FBXO34: variants seen among roughly 807,000 people sequenced by gnomAD.
FBXO34 encodes the protein F-box protein 34.
A neutral mutation model predicts 24.5 loss-of-function variants in FBXO34; 12 were observed. The observed-to-expected ratio is 0.49, with a 90% confidence interval of 0.31 to 0.79. The LOEUF is 0.79. FBXO34 is among the 30% of genes least tolerant of loss of function. FBXO34 has a pLI of 0.04. For synonymous variants in FBXO34, 320 were observed against 311.9 expected (o/e 1.03, Z -0.27); for missense variants, 823 against 857.7 (o/e 0.96, Z 0.51).
chr14:55,358,623 CCT>C (rs139548910), intron 3 of FBXO34, among the ~76,000 whole-genome samples: 45,762 of 151,972 alleles, frequency 0.3, 7,169 homozygotes, highest in Non-Finnish European at 0.33. Flanking sequence ...CCTTCAAACT[CCT>C]TGCCCATGAA....
At chr14:55,273,068 G>T (rs1167532157) in intron 1 of FBXO34, among the ~76,000 whole-genome samples, 1 of 152,152 alleles carries the variant, frequency 6.6e-6, no homozygotes, top group Non-Finnish European at 1.5e-5. Flanking sequence ...ATGGAATCTA[G>T]TTCAAAAGGT....
chr14:55,326,818 T>A (rs147723560), intron 1 of FBXO34, among the ~76,000 whole-genome samples: 1 of 152,306 alleles, frequency 6.6e-6, no homozygotes, highest in African/African-American at 2.4e-5. Context: ...ATACAAACTT[T>A]AGGGATGTTT....
At chr14:55,301,121 A>C (rs1335072302) in intron 1 of FBXO34, among the ~76,000 whole-genome samples, 1 of 152,198 alleles carries the variant, frequency 6.6e-6, no homozygotes, top group Admixed American at 6.5e-5. Flanking sequence ...AAGAAAAATC[A>C]GCTCTGTAGG....
intron 1 of FBXO34, chr14:55,299,227 G>A: frequency 2.3e-6 from 2 of 866,638 alleles, no homozygotes; most frequent in Non-Finnish European, 4.0e-6. Flanking sequence ...GCCAAGAAGA[G>A]GAAGACGACG....
rs74050971 is a variant in FBXO34 at position 55,316,014 on chromosome 14, T to C, written c.-10-34367T>C. 6.2e-3 allele frequency among the ~76,000 whole-genome samples: 949 copies of C among 152,306 alleles called. 6 individuals carry two copies. Among genetic ancestry groups the C allele is most frequent in the African/African-American group, 0.022 (913 of 41,578 alleles). ...CTTCCAATGTTTTTCTCCTTTTCTA[T>C]TGCGTTTTTCATTTCTTTGTATTTT... is the stretch of plus-strand genomic sequence containing the variant. On this transcript the variant is annotated intron_variant, in intron 1 of 1. Transcript: ENST00000313833.
rs1884363785 is a variant in FBXO34, at chr14:55,351,367, G to C, written c.977G>C (p.Gly326Ala). Residue 326 changes from glycine (G) to alanine (A), a missense_variant, in exon 2 of 2, where the codon GGC (glycine) becomes GCC (alanine). This residue lies in a region of FBXO34 where 693 missense variants were observed against 659.1 expected (regional missense o/e 1.05). Coordinates refer to ENST00000313833, the MANE Select transcript of FBXO34 (RefSeq NM_017943.4). ...GCAAATAGCACTCAGGCTGATGAAG[G>C]CAAAACAAAGAAAGGCGTCTTGGAG... is the stretch of plus-strand genomic sequence containing the variant. ...LLANSTQADE[G>A]KTKKGVLEAP... 6.2e-7 allele frequency: 1 copy of C among 1,614,108 alleles called. No homozygotes were observed. The highest frequency in any genetic ancestry group is 1.3e-5 in the African/African-American group (1 of 74,928).
At chr14:55,425,709 A>G in the FBXO34 span, among the ~76,000 whole-genome samples, 1 of 152,086 alleles carries the variant, frequency 6.6e-6, no homozygotes, top group Non-Finnish European at 1.5e-5. Flanking sequence ...CCCCAAGAAA[A>G]TCTTCCTTGA....
intron 1 of FBXO34, among the ~76,000 whole-genome samples, chr14:55,287,296 G>A (rs532860595): frequency 6.6e-6 from 1 of 152,302 alleles, no homozygotes; most frequent in African/African-American, 2.4e-5. Context: ...GTACATTGAA[G>A]TGTTAGCAAA....
At chr14:55,296,384 T>TTTTTG (rs1882125436) in intron 1 of FBXO34, among the ~76,000 whole-genome samples, 1 of 112,472 alleles carries the variant, frequency 8.9e-6, no homozygotes, top group Non-Finnish European at 1.9e-5. Context: ...GTTCTTGTGT[T>TTTTTG]TTTTTTGTTT....
chr14:55,340,132 C>T (rs1883941586), intron 1 of FBXO34, among the ~76,000 whole-genome samples: 1 of 152,136 alleles, frequency 6.6e-6, no homozygotes, highest in African/African-American at 2.4e-5. Flanking sequence ...TTGTAGCTAC[C>T]CTTCCACCTC....
chr14:55,377,858 AG>A, the FBXO34 span: 1 of 1,603,218 alleles, frequency 6.2e-7, no homozygotes, highest in Non-Finnish European at 8.5e-7. Context: ...CAGGTACATT[AG>A]ATTCCTGAGG....
the FBXO34 span, among the ~76,000 whole-genome samples, chr14:55,410,516 AAG>A: frequency 6.6e-6 from 1 of 152,240 alleles, no homozygotes; most frequent in Non-Finnish European, 1.5e-5. Flanking sequence ...AAAACTAAAA[AAG>A]AGTTTGTCAT....
chr14:55,363,888 A>T (rs915934255), downstream of FBXO34, among the ~76,000 whole-genome samples: 4 of 151,518 alleles, frequency 2.6e-5, no homozygotes, highest in Admixed American at 2.6e-4. Flanking sequence ...TTTTTTACTC[A>T]ACTCGCTCTA....
chr14:55,414,596 G>A, the FBXO34 span: 9 of 621,520 alleles, frequency 1.4e-5, no homozygotes, highest in East Asian at 1.2e-4. Context: ...CATTTATTCC[G>A]GGTAAATAAT....
chr14:55,370,179 G>A (rs962121033), downstream of FBXO34, among the ~76,000 whole-genome samples: 5 of 152,100 alleles, frequency 3.3e-5, no homozygotes, highest in African/African-American at 7.2e-5. Flanking sequence ...GGTGATGACC[G>A]TGCATAGGAA....
At chr14:55,296,879 A>T (rs951683424) in intron 1 of FBXO34, among the ~76,000 whole-genome samples, 2 of 148,680 alleles carry the variant, frequency 1.3e-5, no homozygotes, top group African/African-American at 2.5e-5. Flanking sequence ...CTAAAAAAAT[A>T]TATTTTATTT....
chr14:55,395,559 T>G, the FBXO34 span, among the ~76,000 whole-genome samples: 3 of 152,248 alleles, frequency 2.0e-5, no homozygotes, highest in East Asian at 5.8e-4. Flanking sequence ...AATGCTTTCC[T>G]CTACGGTTTA....
At chr14:55,277,734 A>G (rs1881391001) in intron 1 of FBXO34, among the ~76,000 whole-genome samples, 1 of 152,308 alleles carries the variant, frequency 6.6e-6, no homozygotes, top group South Asian at 2.1e-4. Context: ...ATCTTGAATT[A>G]GGGCTTCTCA....
chr14:55,281,991 C>CTTTTTTTTTT (rs372305828), intron 1 of FBXO34, among the ~76,000 whole-genome samples: 8 of 65,132 alleles, frequency 1.2e-4, no homozygotes, highest in African/African-American at 3.8e-4. Context: ...TTAAATTTAG[C>CTTTTTTTTTT]TTTTTTTTTT....
Sources: allele counts gnomAD v4.1 joint callset (sites outside exome capture counted in the v4.1 genomes callset), GRCh38; gene constraint gnomAD v4.1.1; regional missense constraint gnomAD v4.1.1; transcripts MANE v1.5; gene names NCBI Gene and HGNC (gene_info 2026-07-23, HGNC 2026-07-21).